Variants in SPAG17 observed in about 807,000 individuals in gnomAD.
The protein encoded by SPAG17 is sperm associated antigen 17.
Under a neutral mutation model 273.6 loss-of-function variants are expected in SPAG17, and 169 were observed. The ratio of observed to expected loss-of-function variants is 0.62; its 90% CI spans 0.55 to 0.70. The LOEUF is 0.70. Ranked by LOEUF, SPAG17 falls within the 30% of genes least tolerant of loss-of-function variation. The pLI, the probability that SPAG17 is intolerant of heterozygous loss-of-function variation, is 0.00. For synonymous variants in SPAG17, 825 were observed against 873.2 expected (o/e 0.94, Z 0.97); for missense variants, 2,557 against 2,627.8 (o/e 0.97, Z 0.59).
intron 20 of SPAG17, among the ~76,000 whole-genome samples, chr1:118,051,810 TA>T (rs1369341587): frequency 7.1e-6 from 1 of 140,840 alleles, no homozygotes; most frequent in Non-Finnish European, 1.5e-5. Flanking sequence ...TAATATATAC[TA>T]TTATAATATA....
intron 1 of SPAG17, among the ~76,000 whole-genome samples, chr1:118,156,714 C>T (rs1209866269): frequency 1.3e-5 from 2 of 152,320 alleles, no homozygotes; most frequent in South Asian, 2.1e-4. Flanking sequence ...TACTTTCTCC[C>T]GTCTCCTATT....
intron 4 of SPAG17, among the ~76,000 whole-genome samples, chr1:118,111,611 G>A (rs1656767110): frequency 7.3e-6 from 1 of 137,584 alleles, no homozygotes; most frequent in Non-Finnish European, 1.5e-5. Flanking sequence ...TACCTTGGCT[G>A]GTTTCCAGTG....
intron 48 of SPAG17, chr1:117,959,048 G>A (rs1652647657): frequency 2.5e-6 from 4 of 1,570,892 alleles, no homozygotes; most frequent in Non-Finnish European, 3.5e-6. Flanking sequence ...CAAATTCCTA[G>A]TGTGATTTAG....
intron 15 of SPAG17, among the ~76,000 whole-genome samples, chr1:118,079,451 C>T (rs996333160): frequency 5.9e-5 from 9 of 151,878 alleles, no homozygotes; most frequent in African/African-American, 1.4e-4. Context: ...GTTTTATTCT[C>T]GATAGAGTTA....
chr1:118,082,260 T>C (rs1415935016), intron 13 of SPAG17, among the ~76,000 whole-genome samples: 1 of 152,224 alleles, frequency 6.6e-6, no homozygotes, highest in Non-Finnish European at 1.5e-5. Flanking sequence ...TTGTCACAGG[T>C]GCCTGGGATT....
intron 18 of SPAG17, among the ~76,000 whole-genome samples, chr1:118,062,384 A>AAAAAATAAAT (rs1553242204): frequency 2.0e-5 from 3 of 149,198 alleles, no homozygotes; most frequent in African/African-American, 7.4e-5. Context: ...AAAAAAAAAA[A>AAAAAATAAAT]AAATTAAAGA....
At chr1:118,005,335 C>G in intron 32 of SPAG17, 79 bp downstream of exon 32, 2 of 1,263,682 alleles carry the variant, frequency 1.6e-6, no homozygotes, top group South Asian at 4.0e-5. Context: ...AGGTAAAAAT[C>G]TACATGGAAG....
intron 42 of SPAG17, among the ~76,000 whole-genome samples, chr1:117,983,596 CT>C (rs1370446957): frequency 3.3e-5 from 5 of 152,174 alleles, no homozygotes; most frequent in African/African-American, 1.2e-4. Context: ...TTAGTCAGGT[CT>C]CCTAAATGCA....
chr1:118,137,653 T>C (rs1455931271), intron 3 of SPAG17, among the ~76,000 whole-genome samples: 1 of 152,208 alleles, frequency 6.6e-6, no homozygotes, highest in Non-Finnish European at 1.5e-5. Context: ...AATATAGAAA[T>C]CATATTTCAA....
intron 3 of SPAG17, among the ~76,000 whole-genome samples, chr1:118,117,636 A>T (rs1657164085): frequency 6.6e-6 from 1 of 152,174 alleles, no homozygotes; most frequent in African/African-American, 2.4e-5. Context: ...AGACACAGAG[A>T]GAGAGAGCAG....
chr1:118,056,782 TG>T (rs1223343548), intron 18 of SPAG17, among the ~76,000 whole-genome samples: 3 of 152,164 alleles, frequency 2.0e-5, no homozygotes, highest in Admixed American at 6.6e-5. Flanking sequence ...CTATGAATTA[TG>T]GGGGTACCCA....
chr1:118,150,529 A>T lies in SPAG17; in HGVS notation c.315+14T>A. The T allele has an allele frequency of 7.0e-7, 1 of 1,426,940 alleles. No homozygotes were observed. The highest frequency in any genetic ancestry group is 9.6e-7 in the Non-Finnish European group (1 of 1,046,266). The allele number at this position is 1,426,940 out of a possible 1,614,324, so 88.4% of individuals were successfully genotyped here. On this transcript the variant is annotated intron_variant, in intron 3 of 48. Coordinates refer to ENST00000336338, the MANE Select transcript of SPAG17 (RefSeq NM_206996.4). The stretch of plus-strand genomic sequence containing the variant: ...AAAAACACAAAAATATCTTCTATAA[A>T]CACTTTCACTTACCTCATAATATAA...
At chr1:117,981,480 C>T (rs149196312) in intron 42 of SPAG17, 79 bp from the exon 43 acceptor site, 66 of 1,437,422 alleles carry the variant, frequency 4.6e-5, no homozygotes, top group Non-Finnish European at 6.1e-5. Context: ...CATGAACAAA[C>T]ATTGAAGAAG....
At chr1:118,027,369 A>T (rs1331310181) in intron 26 of SPAG17, among the ~76,000 whole-genome samples, 1 of 152,202 alleles carries the variant, frequency 6.6e-6, no homozygotes, top group African/African-American at 2.4e-5. Flanking sequence ...ACATTAAATT[A>T]TTTTTAAATA....
At chr1:118,113,061 T>A (rs1656871128) in intron 4 of SPAG17, among the ~76,000 whole-genome samples, 1 of 152,162 alleles carries the variant, frequency 6.6e-6, no homozygotes. Flanking sequence ...CTATAATTTC[T>A]ATTATGGATA....
intron 1 of SPAG17, among the ~76,000 whole-genome samples, chr1:118,173,131 T>TA (rs562691987): frequency 1.5e-3 from 219 of 143,864 alleles, no homozygotes; most frequent in South Asian, 3.1e-3. Flanking sequence ...TGCCCACCAT[T>TA]AAAAAAAAAA....
At position 118,041,370 on chromosome 1, in the gene SPAG17, G is replaced by C. The variant is rs74811179; in HGVS notation, c.3054+433C>G. 4.2e-3 allele frequency among the ~76,000 whole-genome samples: 643 copies of C among 151,768 alleles called. 4 individuals are homozygous for C. Among genetic ancestry groups the C allele is most frequent in the African/African-American group, 0.015 (611 of 41,396 alleles). On this transcript the variant is annotated intron_variant, in intron 21 of 48. Transcript: ENST00000336338. ...TTCCCATCAGGTTTCCCTCATAACA[G>C]CTAGCTGAGAGAGAACTGGCAAAGG...
intron 4 of SPAG17, among the ~76,000 whole-genome samples, chr1:118,114,723 T>C (rs1656970102): frequency 6.6e-6 from 1 of 152,204 alleles, no homozygotes; most frequent in Admixed American, 6.5e-5. Flanking sequence ...TTTTAAAATA[T>C]TTTTCATATG....
intron 13 of SPAG17, among the ~76,000 whole-genome samples, chr1:118,084,175 A>G (rs1654816240): frequency 6.6e-6 from 1 of 152,312 alleles, no homozygotes; most frequent in Non-Finnish European, 1.5e-5. Flanking sequence ...AGTTATGTGC[A>G]CAACAGAAAT....
Sources: gnomAD v4.1 joint callset for allele counts (sites outside exome capture counted in the v4.1 genomes callset) on GRCh38, gnomAD v4.1.1 for gene constraint, MANE v1.5 for transcripts, NCBI Gene and HGNC (gene_info 2026-07-23, HGNC 2026-07-21) for gene names.